MPHOSPH9: variants seen among roughly 807,000 people sequenced by gnomAD.
MPHOSPH9 encodes the protein M-phase phosphoprotein 9.
In MPHOSPH9, 88 loss-of-function variants were observed where a neutral mutation model predicts 145.5. The ratio of observed to expected loss-of-function variants is 0.60; its 90% CI spans 0.51 to 0.72. The LOEUF (loss-of-function observed/expected upper bound fraction) is 0.72, where lower values mean the gene tolerates loss of function less well. Among genes scored for constraint, MPHOSPH9 ranks in the 30% least tolerant of loss-of-function variants. MPHOSPH9 has a pLI of 0.00. For synonymous variants in MPHOSPH9, 435 were observed against 486.2 expected, an observed-to-expected ratio of 0.89 and a Z score of 1.39; for missense variants, 1,238 against 1,386.6, an observed-to-expected ratio of 0.89 and a Z score of 1.70.
chr12:123,199,701 G>A (rs1565941100), intron 11 of MPHOSPH9, among the ~76,000 whole-genome samples: 2 of 151,514 alleles, frequency 1.3e-5, no homozygotes, highest in South Asian at 2.1e-4. Context: ...GCTGAGGCAG[G>A]AGAATGGCAT....
upstream of MPHOSPH9, among the ~76,000 whole-genome samples, chr12:123,236,420 C>T (rs1163340062): frequency 6.6e-6 from 1 of 151,698 alleles, no homozygotes; most frequent in Non-Finnish European, 1.5e-5. Flanking sequence ...ATGGCAAGAC[C>T]CCATCTCTAC....
At chr12:123,187,023 C>A (rs976115225) in intron 13 of MPHOSPH9, among the ~76,000 whole-genome samples, 1 of 152,144 alleles carries the variant, frequency 6.6e-6, no homozygotes, top group Non-Finnish European at 1.5e-5. Flanking sequence ...CCTTGGGAGG[C>A]TGAGGCGGGC....
intron 13 of MPHOSPH9, among the ~76,000 whole-genome samples, chr12:123,182,250 T>G (rs941494538): frequency 5.8e-4 from 26 of 44,890 alleles, no homozygotes; most frequent in African/African-American, 9.6e-4. Flanking sequence ...TTTTTTTGTG[T>G]TTTTTTTTTT....
intron 15 of MPHOSPH9, among the ~76,000 whole-genome samples, chr12:123,178,911 A>G (rs1412895583): frequency 6.6e-6 from 1 of 152,216 alleles, no homozygotes. Flanking sequence ...TCATTAATAC[A>G]GTCTCCAACC....
intron 5 of MPHOSPH9, among the ~76,000 whole-genome samples, chr12:123,219,973 A>G (rs1455207915): frequency 6.6e-6 from 1 of 152,128 alleles, no homozygotes; most frequent in Non-Finnish European, 1.5e-5. Context: ...TTGTAAGACT[A>G]CTAAACTCTC....
chr12:123,169,345 A>G (rs1312888647), intron 16 of MPHOSPH9, among the ~76,000 whole-genome samples: 1 of 151,478 alleles, frequency 6.6e-6, no homozygotes, highest in East Asian at 2.1e-4. Flanking sequence ...AATGCAAAAT[A>G]AAAATTAGCC....
In MPHOSPH9 at chr12:123,230,412, G is replaced by T; in HGVS notation, c.-48C>A. ...CTCTTATTGGAAAATAAAGGTTCTT[G>T]GGCTGTTTGAGAAAAATGAATCCGT... is the stretch of plus-strand genomic sequence containing the variant. On this transcript the variant is annotated 5_prime_UTR_variant, in exon 2 of 24. Coordinates refer to ENST00000606320, the MANE Select transcript of MPHOSPH9 (RefSeq NM_022782.4). 1 of 1,217,188 alleles carries T rather than the reference G, an allele frequency of 8.2e-7. No homozygotes were observed. The highest frequency in any genetic ancestry group is 1.1e-6 in the Non-Finnish European group (1 of 885,260). The allele number at this position is 1,217,188 out of a possible 1,614,324, so 75.4% of individuals were successfully genotyped here.
chr12:123,189,709 C>T (rs963602851), intron 13 of MPHOSPH9, among the ~76,000 whole-genome samples: 17 of 152,004 alleles, frequency 1.1e-4, no homozygotes, highest in South Asian at 4.2e-4. Context: ...CCGAGGCGGG[C>T]GGATCACGAG....
At position 123,154,395 on chromosome 12, in the gene MPHOSPH9, A is replaced by T. The variant is rs1487616863; in HGVS notation, c.*2412T>A. 2 of 152,214 alleles carry T rather than the reference A, an allele frequency of 1.3e-5. No homozygotes were observed. Among genetic ancestry groups the T allele is most frequent in the Non-Finnish European group, 2.9e-5 (2 of 68,034 alleles). 9.4% of individuals were successfully genotyped at this position (152,214 alleles called of 1,614,324 possible). ...GATAAGCATTACCGAAGAGAAAGAC[A>T]GCAGAAAGAACTTTCCTTGGTATCC... On this transcript the variant is annotated 3_prime_UTR_variant, in exon 24 of 24. Coordinates refer to ENST00000606320, the MANE Select transcript of MPHOSPH9 (RefSeq NM_022782.4).
Position 123,194,441 on chromosome 12 carries a change from T to C in MPHOSPH9, c.2186A>G (p.Lys729Arg). ...TTGAGCTTCTTTATCATCTGAGAGTTTGTAAGCATTCTCAAATGCTTCTTC... is the reference window on the plus strand; with the variant it reads ...TTGAGCTTCTTTATCATCTGAGAGTCTGTAAGCATTCTCAAATGCTTCTTC... ...DLEEAFENAYKLSDDKEAQLK... is the reference protein window; with the variant it reads ...DLEEAFENAYRLSDDKEAQLK... The change falls in exon 13 of 24, where the codon AAA (lysine) becomes AGA (arginine). Residue 729 changes from lysine (K) to arginine (R), a missense_variant. This residue lies in a region of MPHOSPH9 where 837 missense variants were observed against 897.5 expected (regional missense o/e 0.93). Transcript: ENST00000606320. The C allele has an allele frequency of 3.1e-6, 5 of 1,609,648 alleles. No homozygotes were observed. The highest frequency in any genetic ancestry group is 4.2e-6 in the Non-Finnish European group (5 of 1,178,498).
intron 21 of MPHOSPH9, among the ~76,000 whole-genome samples, chr12:123,161,872 C>T (rs970168297): frequency 3.9e-5 from 6 of 152,110 alleles, no homozygotes; most frequent in Admixed American, 2.0e-4. Context: ...AAGAGAATAA[C>T]TGAGCAGTGT....
chr12:123,219,491 T>TGAACCCG (rs1203756248), intron 5 of MPHOSPH9, among the ~76,000 whole-genome samples: 22 of 145,162 alleles, frequency 1.5e-4, no homozygotes. Flanking sequence ...AGGCAGAGCT[T>TGAACCCG]GCAGTGAGCC....
At chr12:123,187,221 T>C (rs2045483311) in intron 13 of MPHOSPH9, among the ~76,000 whole-genome samples, 3 of 151,610 alleles carry the variant, frequency 2.0e-5, no homozygotes, top group Non-Finnish European at 4.4e-5. Context: ...GATTGCGCCA[T>C]TGCACTCCAG....
At chr12:123,162,323 AT>A in intron 20 of MPHOSPH9, 105 bp from the exon 21 acceptor site, 1 of 490,130 alleles carries the variant, frequency 2.0e-6, no homozygotes, top group East Asian at 3.3e-5. Flanking sequence ...ATATTTATGT[AT>A]TTTCTTAAAA....
chr12:123,207,414 C>T (rs922405913), intron 8 of MPHOSPH9, among the ~76,000 whole-genome samples: 2 of 152,094 alleles, frequency 1.3e-5, no homozygotes, highest in African/African-American at 4.8e-5. Flanking sequence ...AAGTACGGAA[C>T]ATTGGTTTCC....
chr12:123,180,193 T>C lies in MPHOSPH9; in HGVS notation c.2290-203A>G, dbSNP rs545601828. Among the ~76,000 whole-genome samples, 7 of 152,348 alleles carry C rather than the reference T, an allele frequency of 4.6e-5. No homozygotes were observed. The East Asian group carries it at 1.3e-3, about 29-fold the overall frequency. On this transcript the variant is annotated intron_variant, in intron 14 of 23. Transcript: ENST00000606320. The stretch of plus-strand genomic sequence containing the variant: ...AAGCACCGGCCTACACAAGTCCCTC[T>C]GTGTAAGTCCCCTGGGTAACAGATA...
chr12:123,163,286 T>A, intron 19 of MPHOSPH9, 152 bp from the exon 20 acceptor site: 1 of 796,264 alleles, frequency 1.3e-6, no homozygotes, highest in East Asian at 3.1e-5. Flanking sequence ...AAAAATAAAA[T>A]CACTCATAAT....
At chr12:123,224,817 C>T (rs569816324) in intron 3 of MPHOSPH9, among the ~76,000 whole-genome samples, 163 of 152,292 alleles carry the variant, frequency 1.1e-3, no homozygotes, top group African/African-American at 3.7e-3. Flanking sequence ...AAGTTGGTCA[C>T]CCTTTCAGAA....
At position 123,221,845 on chromosome 12, in the gene MPHOSPH9, AG is replaced by A. The variant is rs757335287; in HGVS notation, c.398del (p.Ala133ValfsTer3). 92 of 1,611,512 alleles carry A rather than the reference AG, an allele frequency of 5.7e-5. No homozygotes were observed. Among genetic ancestry groups the A allele is most frequent in the Admixed American group, 1.0e-4 (6 of 59,878 alleles). On this transcript the variant is annotated frameshift_variant, in exon 5 of 24. Transcript: ENST00000606320. LOFTEE classifies it high-confidence loss of function. ...AATTTCCTTCACAGGAAGCTAAGGA[AG>A]CACTACTAGTCTGTAATTTGACTAA... ...KNLVKLQTSS[A>X]SLASCEGNSS...
Sources: gnomAD v4.1 joint callset for allele counts (sites outside exome capture counted in the v4.1 genomes callset) on GRCh38, gnomAD v4.1.1 for gene constraint, gnomAD v4.1.1 regional missense constraint, MANE v1.5 for transcripts, NCBI Gene and HGNC (gene_info 2026-07-23, HGNC 2026-07-21) for gene names.